Variants in PRKAR2A observed in about 807,000 individuals in gnomAD.
PRKAR2A encodes the protein cAMP-dependent protein kinase type II-alpha regulatory subunit.
In PRKAR2A, 29 loss-of-function variants were observed where a neutral mutation model predicts 51.9. That is an observed-to-expected ratio of 0.56 (90% CI 0.42 to 0.76). PRKAR2A has a LOEUF of 0.76. Ranked by LOEUF, PRKAR2A falls within the 30% of genes least tolerant of loss-of-function variation. PRKAR2A has a pLI of 0.00. For missense variants in PRKAR2A, 445 were observed against 512.1 expected (o/e 0.87, Z 1.26); for synonymous variants, 178 against 186.2 (o/e 0.96, Z 0.36).
chr3:48,762,216 C>T (rs373150492), intron 8 of PRKAR2A, among the ~76,000 whole-genome samples: 10 of 151,800 alleles, frequency 6.6e-5, no homozygotes, highest in Admixed American at 1.3e-4. Context: ...CTCAGGAGTT[C>T]GAGACCAGGC....
At position 48,815,942 on chromosome 3, in the gene PRKAR2A, C is replaced by G. The variant is rs369301692; in HGVS notation, c.263-8258G>C. 7.3e-5 allele frequency among the ~76,000 whole-genome samples: 11 copies of G among 150,974 alleles called. 1 individual carries two copies. In the South Asian group the frequency reaches 1.3e-3, roughly 17 times the overall value. The stretch of plus-strand genomic sequence containing the variant: ...GCTGAGGCAGGAGAATCGCTTGAAC[C>G]CAGAAGGTGGTGGTTGCAGTGAGCC... On this transcript the variant is annotated intron_variant, in intron 1 of 10. Transcript: ENST00000265563.
chr3:48,793,901 A>G, intron 3 of PRKAR2A, 96 bp downstream of exon 3: 1 of 966,272 alleles, frequency 1.0e-6, no homozygotes, highest in East Asian at 2.5e-5. Flanking sequence ...TTTAATTTGT[A>G]TTTAATTATT....
At chr3:48,797,302 G>T (rs1412652663) in intron 2 of PRKAR2A, among the ~76,000 whole-genome samples, 5 of 151,992 alleles carry the variant, frequency 3.3e-5, no homozygotes, top group Admixed American at 1.3e-4. Context: ...CTGAGTAACT[G>T]GGGCTACAAG....
intron 8 of PRKAR2A, among the ~76,000 whole-genome samples, chr3:48,756,793 T>A (rs1290861717): frequency 1.3e-5 from 2 of 152,216 alleles, no homozygotes; most frequent in Admixed American, 1.3e-4. Context: ...ACTCATGCAC[T>A]CTCACTCTGT....
chr3:48,790,922 T>C (rs2082371721), intron 3 of PRKAR2A, among the ~76,000 whole-genome samples: 1 of 151,542 alleles, frequency 6.6e-6, no homozygotes, highest in Non-Finnish European at 1.5e-5. Context: ...ATTTGTTCAT[T>C]AAACAAATAT....
intron 1 of PRKAR2A, among the ~76,000 whole-genome samples, chr3:48,843,403 T>C (rs1208781786): frequency 3.3e-5 from 5 of 152,158 alleles, no homozygotes; most frequent in African/African-American, 9.7e-5. Flanking sequence ...TGTGTCTCTA[T>C]TTCCTTCCAA....
chr3:48,807,731 C>A, intron 1 of PRKAR2A, 47 bp from the exon 2 acceptor site: 4 of 1,538,298 alleles, frequency 2.6e-6, no homozygotes, highest in South Asian at 1.1e-5. Flanking sequence ...GTCACCAGGC[C>A]GCATTTTTAT....
chr3:48,781,164 T>C (rs2082190385), intron 5 of PRKAR2A, among the ~76,000 whole-genome samples: 1 of 150,398 alleles, frequency 6.6e-6, no homozygotes, highest in African/African-American at 2.4e-5. Context: ...TTTTGTATTT[T>C]TAGTAGAGCT....
chr3:48,811,159 A>C (rs1484644889), intron 1 of PRKAR2A, among the ~76,000 whole-genome samples: 1 of 151,656 alleles, frequency 6.6e-6, no homozygotes, highest in Non-Finnish European at 1.5e-5. Context: ...CCTGCGCAAC[A>C]GAGGGAGACT....
chr3:48,751,258 G>C lies in PRKAR2A; in HGVS notation c.*327C>G, dbSNP rs940702956. On this transcript the variant is annotated 3_prime_UTR_variant, in exon 11 of 11. Transcript: ENST00000265563. ...AGAGTAGCAGCAAGAGAGGAAAGGA[G>C]CATGTTTATACTTTGGACTTTGTAT... is the stretch of plus-strand genomic sequence containing the variant. The C allele has an allele frequency of 2.0e-6, 1 of 499,540 alleles. No homozygotes were observed. Among genetic ancestry groups the C allele is most frequent in the Non-Finnish European group, 3.9e-6 (1 of 255,558 alleles). 30.9% of individuals were successfully genotyped at this position (499,540 alleles called of 1,614,324 possible).
Position 48,773,226 on chromosome 3 carries a change from T to C in PRKAR2A, c.543-118A>G, listed in dbSNP as rs1240388723. ...GAGATTTCCAATGGAACTTTGCTAG[T>C]ATATAAAAAAAACATATTTTTGTAT... On this transcript the variant is annotated intron_variant, in intron 5 of 10. Transcript: ENST00000265563. 3.8e-6 allele frequency: 3 copies of C among 779,760 alleles called. No homozygotes were observed. The African/African-American group carries it at 5.3e-5, about 14-fold the overall frequency. The allele number at this position is 779,760 out of a possible 1,614,324, so 48.3% of individuals were successfully genotyped here. A position where few individuals can be genotyped will look rare whatever the true frequency, so the allele number is the denominator to read the frequency against.
intron 6 of PRKAR2A, among the ~76,000 whole-genome samples, chr3:48,772,703 C>T (rs1052491009): frequency 2.0e-5 from 3 of 151,762 alleles, no homozygotes; most frequent in Non-Finnish European, 4.4e-5. Context: ...TACAGTGGCG[C>T]GATCTCGGCT....
intron 2 of PRKAR2A, among the ~76,000 whole-genome samples, chr3:48,800,270 T>C (rs1006368543): frequency 6.6e-6 from 1 of 151,132 alleles, no homozygotes; most frequent in Non-Finnish European, 1.5e-5. Context: ...ATCCCAGCAC[T>C]TTGGGAGGCC....
At position 48,768,344 on chromosome 3, in the gene PRKAR2A, TAGAC is replaced by T. The variant is rs1272640329; in HGVS notation, c.697-2999_697-2996del. 1.8e-4 allele frequency among the ~76,000 whole-genome samples: 22 copies of T among 122,350 alleles called. 1 individual carries two copies. In the South Asian group the frequency reaches 2.8e-3, roughly 16 times the overall value. The allele number at this position is 122,350 out of a possible 152,430, so 80.3% of individuals were successfully genotyped here. A position where few individuals can be genotyped will look rare whatever the true frequency, so the allele number is the denominator to read the frequency against. On this transcript the variant is annotated intron_variant, in intron 6 of 10. Coordinates refer to ENST00000265563, the MANE Select transcript of PRKAR2A (RefSeq NM_004157.4). ...AGATAGATAGATAGATAGATAGATA[TAGAC>T]AGACAGAGAGACAGACAGACAGACA...
chr3:48,767,099 T>C (rs969054035), intron 6 of PRKAR2A, among the ~76,000 whole-genome samples: 21 of 152,212 alleles, frequency 1.4e-4, no homozygotes, highest in Non-Finnish European at 2.9e-5. Context: ...GATTCCTAAA[T>C]GGGCAAGCAG....
Position 48,751,427 on chromosome 3 carries a change from T to C in PRKAR2A, c.*158A>G. On this transcript the variant is annotated 3_prime_UTR_variant, in exon 11 of 11. Transcript: ENST00000265563. Reference sequence around the variant, plus strand: ...GGTTGAACCTCTGCCCATCCTTTAGTGCTGACTTTCAAGTTTTCTAAATGC... The same window carrying C: ...GGTTGAACCTCTGCCCATCCTTTAGCGCTGACTTTCAAGTTTTCTAAATGC... The C allele has an allele frequency of 1.9e-6, 2 of 1,062,960 alleles. No individual in the cohort carries two copies. Among genetic ancestry groups the C allele is most frequent in the East Asian group, 2.6e-5 (1 of 38,890 alleles). The allele number at this position is 1,062,960 out of a possible 1,614,324, so 65.8% of individuals were successfully genotyped here.
In PRKAR2A at chr3:48,793,990, GTCTTACCCTTGGA is replaced by G; in HGVS notation, c.345_351+6del. The G allele has an allele frequency of 6.3e-7, 1 of 1,590,486 alleles. No individual in the cohort carries two copies. The highest frequency in any genetic ancestry group is 2.2e-5 in the East Asian group (1 of 44,700). The stretch of plus-strand genomic sequence containing the variant: ...ATTCTACCTAACATCTTTGCTTTGG[GTCTTACCCTTGGA>G]TCTGTATCTTCCTCTTCCTCATCAG... On this transcript the variant is annotated splice_donor_variant and splice_donor_5th_base_variant and coding_sequence_variant and intron_variant, in exon 3 of 11. Coordinates refer to ENST00000265563, the MANE Select transcript of PRKAR2A (RefSeq NM_004157.4). LOFTEE classifies it high-confidence loss of function.
chr3:48,764,986 C>T lies in PRKAR2A; in HGVS notation c.873+18G>A, dbSNP rs754475953. On this transcript the variant is annotated intron_variant, in intron 8 of 10. Coordinates refer to ENST00000265563, the MANE Select transcript of PRKAR2A (RefSeq NM_004157.4). ...GGGGTGACTTCCAGGAAAGGAGCTGCGTAAAGCCCTCACTCACCTGAGTGA... is the reference window on the plus strand; with the variant it reads ...GGGGTGACTTCCAGGAAAGGAGCTGTGTAAAGCCCTCACTCACCTGAGTGA... The T allele has an allele frequency of 4.3e-6, 7 of 1,609,492 alleles. No individual in the cohort carries two copies. The highest frequency in any genetic ancestry group is 3.3e-5 in the South Asian group (3 of 90,876).
chr3:48,839,720 CTA>C, intron 1 of PRKAR2A, among the ~76,000 whole-genome samples: 2 of 83,938 alleles, frequency 2.4e-5, no homozygotes, highest in Non-Finnish European at 5.1e-5. Context: ...AGCTTCCTTG[CTA>C]TATACAGTTA....
Sources: gnomAD v4.1 joint callset for allele counts (sites outside exome capture counted in the v4.1 genomes callset) on GRCh38, gnomAD v4.1.1 for gene constraint, MANE v1.5 for transcripts, NCBI Gene and HGNC (gene_info 2026-07-23, HGNC 2026-07-21) for gene names.